The following MCU variants were observed in gnomAD, a reference collection of about 807,000 sequenced individuals.
MCU encodes mitochondrial calcium uniporter.
A neutral mutation model predicts 45.2 loss-of-function variants in MCU; 12 were observed. The ratio of observed to expected loss-of-function variants is 0.27; its 90% CI spans 0.17 to 0.43. The LOEUF (loss-of-function observed/expected upper bound fraction) is 0.43. MCU is among the 20% of genes least tolerant of loss of function. The pLI is 1.00. For missense variants in MCU, 324 were observed against 436.7 expected (o/e 0.74, Z 2.30); for synonymous variants, 160 against 165.1 (o/e 0.97, Z 0.24).
chr10:72,813,836 C>T (rs971901790), intron 1 of MCU, among the ~76,000 whole-genome samples: 2 of 151,842 alleles, frequency 1.3e-5, no homozygotes, highest in East Asian at 3.9e-4. Flanking sequence ...TGAAACAACA[C>T]GATTGTTGTA....
chr10:72,692,331 A>T (rs1842633351), intron 1 of MCU, 30 bp downstream of exon 1: 2 of 1,192,956 alleles, frequency 1.7e-6, no homozygotes, highest in Non-Finnish European at 2.1e-6. Flanking sequence ...GGCTCCGGGG[A>T]GGGCGGGGCG....
At chr10:72,743,696 C>A (rs1402888710) in intron 1 of MCU, among the ~76,000 whole-genome samples, 2 of 152,018 alleles carry the variant, frequency 1.3e-5, no homozygotes, top group African/African-American at 4.8e-5. Context: ...TCAACAAATA[C>A]AGATTAATTT....
intron 1 of MCU, among the ~76,000 whole-genome samples, chr10:72,786,612 G>A (rs1408354608): frequency 1.3e-5 from 2 of 152,076 alleles, no homozygotes; most frequent in Non-Finnish European, 2.9e-5. Context: ...AGGGCGTGGT[G>A]GCAGGCGCCT....
At chr10:72,793,827 T>G (rs72812230) in intron 1 of MCU, among the ~76,000 whole-genome samples, 2 of 152,118 alleles carry the variant, frequency 1.3e-5, no homozygotes, top group African/African-American at 4.8e-5. Context: ...TCAGAAGTTA[T>G]ATCATTACTT....
intron 1 of MCU, among the ~76,000 whole-genome samples, chr10:72,782,261 C>T (rs528246665): frequency 5.3e-5 from 8 of 152,122 alleles, no homozygotes; most frequent in Non-Finnish European, 1.2e-4. Flanking sequence ...GTGCCCGGTA[C>T]CTTCATACCC....
intron 2 of MCU, among the ~76,000 whole-genome samples, chr10:72,853,461 A>AG (rs1356614670): frequency 1.3e-5 from 2 of 152,210 alleles, no homozygotes; most frequent in Admixed American, 6.5e-5. Flanking sequence ...TGAAACTGAG[A>AG]GGGGGAAAAA....
At chr10:72,878,151 C>G (rs948222655) in intron 6 of MCU, among the ~76,000 whole-genome samples, 5 of 118,244 alleles carry the variant, frequency 4.2e-5, no homozygotes, top group African/African-American at 1.7e-4. Context: ...CAGAGTCCTA[C>G]TCTGTTGCCC....
intron 1 of MCU, among the ~76,000 whole-genome samples, chr10:72,734,018 T>C (rs970141105): frequency 3.3e-5 from 5 of 152,250 alleles, no homozygotes; most frequent in East Asian, 1.9e-4. Flanking sequence ...GAGTAAATAA[T>C]AATTATGTTA....
chr10:72,878,776 A>T lies in MCU; in HGVS notation c.862-5490A>T, dbSNP rs192784950. Among the ~76,000 whole-genome samples, 222 of 152,332 alleles carry T rather than the reference A, an allele frequency of 1.5e-3. 2 individuals carry two copies. Among genetic ancestry groups the T allele is most frequent in the African/African-American group, 4.9e-3 (203 of 41,580 alleles). Reference sequence around the variant, plus strand: ...GATACAGAAAGATGTAAAATATAGGAAAGGGTAAGAGACACAGTATACAGT... The same window carrying T: ...GATACAGAAAGATGTAAAATATAGGTAAGGGTAAGAGACACAGTATACAGT... On this transcript the variant is annotated intron_variant, in intron 6 of 7. Coordinates refer to ENST00000373053, the MANE Select transcript of MCU (RefSeq NM_138357.3).
chr10:72,847,382 A>G (rs1845139186), intron 2 of MCU, among the ~76,000 whole-genome samples: 1 of 152,222 alleles, frequency 6.6e-6, no homozygotes. Context: ...TAAATTTGGA[A>G]AGGAGAACTT....
chr10:72,838,362 C>G (rs576053503), intron 2 of MCU, among the ~76,000 whole-genome samples: 1 of 151,978 alleles, frequency 6.6e-6, no homozygotes, highest in Non-Finnish European at 1.5e-5. Flanking sequence ...GCCTGTAAAC[C>G]CAGCACTTTG....
chr10:72,833,393 C>A (rs952505990), intron 1 of MCU, among the ~76,000 whole-genome samples: 19 of 152,158 alleles, frequency 1.2e-4, no homozygotes, highest in Admixed American at 7.2e-4. Context: ...TCTTACATTT[C>A]TGCATGCTCT....
rs189801232 is a variant in MCU, at chr10:72,794,231, A to G, written c.151-40128A>G. ...TTGAAGACCTTTTACTAAAGAGGTAAGTTATCTGCCCCACATATACACAAC... is the reference window on the plus strand; with the variant it reads ...TTGAAGACCTTTTACTAAAGAGGTAGGTTATCTGCCCCACATATACACAAC... On this transcript the variant is annotated intron_variant, in intron 1 of 7. Transcript: ENST00000373053. 9.0e-4 allele frequency among the ~76,000 whole-genome samples: 137 copies of G among 152,308 alleles called. 2 individuals carry two copies. Among genetic ancestry groups the G allele is most frequent in the Admixed American group, 1.8e-3 (27 of 15,298 alleles).
At chr10:72,878,554 A>T (rs1845652192) in intron 6 of MCU, among the ~76,000 whole-genome samples, 1 of 152,242 alleles carries the variant, frequency 6.6e-6, no homozygotes, top group South Asian at 2.1e-4. Context: ...TAAAATAATT[A>T]TACTTACTAT....
intron 1 of MCU, among the ~76,000 whole-genome samples, chr10:72,810,247 G>A (rs958680692): frequency 5.3e-5 from 8 of 151,980 alleles, no homozygotes; most frequent in African/African-American, 1.7e-4. Flanking sequence ...GAGAAACTTG[G>A]TGTTGGAGAA....
At chr10:72,774,952 T>G (rs889055215) in intron 1 of MCU, among the ~76,000 whole-genome samples, 1 of 152,016 alleles carries the variant, frequency 6.6e-6, no homozygotes, top group African/African-American at 2.4e-5. Flanking sequence ...ACAACTATAG[T>G]AGGGCACTTT....
intron 2 of MCU, among the ~76,000 whole-genome samples, chr10:72,845,762 A>G (rs1035980120): frequency 6.6e-6 from 1 of 152,240 alleles, no homozygotes; most frequent in Non-Finnish European, 1.5e-5. Context: ...CAATGTATTC[A>G]TAGAATGAAA....
intron 1 of MCU, among the ~76,000 whole-genome samples, chr10:72,787,029 A>G (rs1398893549): frequency 6.6e-6 from 1 of 152,180 alleles, no homozygotes; most frequent in Non-Finnish European, 1.5e-5. Flanking sequence ...CCATATTTTA[A>G]TCTCACGCTT....
chr10:72,838,592 C>T (rs1296854920), intron 2 of MCU, among the ~76,000 whole-genome samples: 1 of 152,122 alleles, frequency 6.6e-6, no homozygotes, highest in Non-Finnish European at 1.5e-5. Context: ...GCTTTGACTG[C>T]TCACTGCTCC....
Sources: allele counts gnomAD v4.1 joint callset (sites outside exome capture counted in the v4.1 genomes callset), GRCh38; gene constraint gnomAD v4.1.1; transcripts MANE v1.5; gene names NCBI Gene and HGNC (gene_info 2026-07-23, HGNC 2026-07-21).